TMEM14A: variants seen among roughly 807,000 people sequenced by gnomAD.
The protein encoded by TMEM14A is transmembrane protein 14A.
Under a neutral mutation model 11.6 loss-of-function variants are expected in TMEM14A, and 8 were observed. That is an observed-to-expected ratio of 0.69 (90% confidence interval 0.40 to 1.24). The LOEUF (loss-of-function observed/expected upper bound fraction) is 1.24, where lower values mean the gene tolerates loss of function less well. TMEM14A is among the 50% of genes most tolerant of loss of function. The probability of loss-of-function intolerance (pLI) is 0.01; values close to 1 mark genes in which losing one functional copy is unlikely to be tolerated. For missense variants in TMEM14A, 108 were observed against 121.9 expected, an observed-to-expected ratio of 0.89 and a Z score of 0.54; for synonymous variants, 34 against 45.5, an observed-to-expected ratio of 0.75 and a Z score of 1.02.
In TMEM14A at chr6:52,686,020, A is replaced by T. The variant is rs369397369; in HGVS notation, c.271A>T (p.Ile91Phe). ...GLVAGLSLMM[I>F]LRLVLLLL ...TTATTTTAAATCCAGCCTCATGATG[A>T]TCCTGAGACTTGTCTTGTTGCTGCT... The change falls in exon 5 of 5, where the codon ATC (isoleucine) becomes TTC (phenylalanine). Residue 91 changes from isoleucine (I) to phenylalanine (F), a missense_variant. Coordinates refer to ENST00000211314, the MANE Select transcript of TMEM14A (RefSeq NM_014051.4). 19 of 1,611,074 alleles carry T rather than the reference A, an allele frequency of 1.2e-5. No individual in the cohort carries two copies. The highest frequency in any genetic ancestry group is 1.3e-5 in the Non-Finnish European group (15 of 1,178,868).
At chr6:52,678,335 G>A (rs1030224652) in intron 2 of TMEM14A, among the ~76,000 whole-genome samples, 3 of 85,902 alleles carry the variant, frequency 3.5e-5, no homozygotes, top group African/African-American at 1.1e-4. Flanking sequence ...GTGTTTGTGT[G>A]TGTGTGTGTG....
At chr6:52,685,179 A>G (rs554108418) in intron 4 of TMEM14A, among the ~76,000 whole-genome samples, 7 of 152,290 alleles carry the variant, frequency 4.6e-5, no homozygotes, top group African/African-American at 1.7e-4. Flanking sequence ...TTTGTGTAGA[A>G]TTTTCTAGTG....
chr6:52,679,439 C>A (rs1469560111), intron 2 of TMEM14A, among the ~76,000 whole-genome samples: 1 of 152,188 alleles, frequency 6.6e-6, no homozygotes, highest in African/African-American at 2.4e-5. Context: ...ACACAGCAAT[C>A]CCTTCAGAGA....
intron 2 of TMEM14A, 81 bp downstream of exon 2, chr6:52,677,253 A>G (rs1769275173): frequency 2.5e-5 from 37 of 1,464,330 alleles, no homozygotes; most frequent in Non-Finnish European, 3.4e-5. Flanking sequence ...CTCTGTAAGT[A>G]GGATGAGAAG....
At chr6:52,681,986 A>T in intron 3 of TMEM14A, 72 bp downstream of exon 3, 1 of 1,294,088 alleles carries the variant, frequency 7.7e-7, no homozygotes, top group Non-Finnish European at 1.1e-6. Context: ...CCTATGCTAG[A>T]TATACTAGAA....
chr6:52,680,704 T>TACAC (rs1554137484), intron 2 of TMEM14A, among the ~76,000 whole-genome samples: 765 of 51,006 alleles, frequency 0.015, 94 homozygotes, highest in African/African-American at 0.02. Flanking sequence ...TATATATATA[T>TACAC]ACACATATAT....
chr6:52,682,044 A>G (rs1010620003), intron 3 of TMEM14A, 130 bp downstream of exon 3: 1 of 638,130 alleles, frequency 1.6e-6, no homozygotes, highest in Admixed American at 3.3e-5. Flanking sequence ...TTGAGGCTGA[A>G]TACAACACTT....
At chr6:52,676,196 G>A (rs1018038416) in intron 1 of TMEM14A, among the ~76,000 whole-genome samples, 4 of 152,312 alleles carry the variant, frequency 2.6e-5, no homozygotes, top group Admixed American at 2.0e-4. Flanking sequence ...CCCCCAGAGT[G>A]TGCTTAACAG....
chr6:52,675,400 A>G (rs1769238301), intron 1 of TMEM14A, among the ~76,000 whole-genome samples: 1 of 152,264 alleles, frequency 6.6e-6, no homozygotes, highest in South Asian at 2.1e-4. Flanking sequence ...GAACTTAAAA[A>G]GCTGTAAAGA....
At chr6:52,677,732 C>CAT (rs1027304807) in intron 2 of TMEM14A, among the ~76,000 whole-genome samples, 1 of 152,108 alleles carries the variant, frequency 6.6e-6, no homozygotes, top group Non-Finnish European at 1.5e-5. Context: ...AGTTATGTTT[C>CAT]ATATATATAC....
At chr6:52,681,253 C>T (rs1215533011) in intron 2 of TMEM14A, among the ~76,000 whole-genome samples, 1 of 151,846 alleles carries the variant, frequency 6.6e-6, no homozygotes, top group Non-Finnish European at 1.5e-5. Context: ...TAGCTGGGGT[C>T]AGTATTCTGA....
At position 52,681,924 on chromosome 6, in the gene TMEM14A, G is replaced by A. The variant is rs2127265168; in HGVS notation, c.172+10G>A. ...GTAAAAGTGTCACTGTGTAAGTAAG[G>A]CATTTTTCCTGGTTACAGAGACTCA... On this transcript the variant is annotated intron_variant, in intron 3 of 4. Transcript: ENST00000211314. 1 of 1,610,120 alleles carries A rather than the reference G, an allele frequency of 6.2e-7. No homozygotes were observed. Among genetic ancestry groups the A allele is most frequent in the Non-Finnish European group, 8.5e-7 (1 of 1,176,746 alleles).
intron 4 of TMEM14A, among the ~76,000 whole-genome samples, chr6:52,685,017 T>G (rs1220180353): frequency 6.6e-6 from 1 of 152,162 alleles, no homozygotes; most frequent in African/African-American, 2.4e-5. Context: ...CTTAGTGACA[T>G]AATAAGGTAT....
chr6:52,680,655 G>A (rs79176587), intron 2 of TMEM14A, among the ~76,000 whole-genome samples: 7 of 8,836 alleles, frequency 7.9e-4, no homozygotes, highest in Admixed American at 1.8e-3. Context: ...ATATATGTGT[G>A]TGTATATATA....
rs1769396884 is a variant in TMEM14A, at chr6:52,681,843, T to C, written c.101T>C (p.Phe34Ser). Reference protein sequence around the residue: ...GGVPSLIAGLFVGCLAGYGAY... With the variant: ...GGVPSLIAGLSVGCLAGYGAY... ...GTTCCGTCTTTGATTGCTGGTCTTT[T>C]TGTTGGATGTTTGGCCGGCTATGGA... is the stretch of plus-strand genomic sequence containing the variant. Residue 34 changes from phenylalanine to serine, a missense_variant, in exon 3 of 5, where the codon TTT (phenylalanine) becomes TCT (serine). Transcript: ENST00000211314. 6.2e-7 allele frequency: 1 copy of C among 1,614,040 alleles called. No individual in the cohort carries two copies. The highest frequency in any genetic ancestry group is 1.3e-5 in the African/African-American group (1 of 74,930).
At position 52,684,059 on chromosome 6, in the gene TMEM14A, G is replaced by T. The variant is rs371481322; in HGVS notation, c.173-19G>T. 6.6e-5 allele frequency: 107 copies of T among 1,609,060 alleles called. No homozygotes were observed. Among genetic ancestry groups the T allele is most frequent in the Admixed American group, 1.7e-4 (10 of 59,176 alleles). The stretch of plus-strand genomic sequence containing the variant: ...TAACATGTTTGAAACTCTGGTTCAT[G>T]AATTAGTTTGGTTTTCAGTTACAGC... On this transcript the variant is annotated intron_variant, in intron 3 of 4. Coordinates refer to ENST00000211314, the MANE Select transcript of TMEM14A (RefSeq NM_014051.4).
chr6:52,676,814 AG>A (rs935153247), intron 1 of TMEM14A, among the ~76,000 whole-genome samples: 1 of 152,128 alleles, frequency 6.6e-6, no homozygotes, highest in African/African-American at 2.4e-5. Flanking sequence ...GAGCACGTGA[AG>A]GGGGAAGTGC....
rs1769271369 is a variant in TMEM14A at position 52,677,100 on chromosome 6, C to T, written c.-3C>T. 1 of 1,614,142 alleles carries T rather than the reference C, an allele frequency of 6.2e-7. No individual in the cohort carries two copies. The highest frequency in any genetic ancestry group is 1.3e-5 in the African/African-American group (1 of 75,034). On this transcript the variant is annotated 5_prime_UTR_variant, in exon 2 of 5. Coordinates refer to ENST00000211314, the MANE Select transcript of TMEM14A (RefSeq NM_014051.4). ...CCCTTGCTTTAGAATTGCAACCTTG[C>T]CAATGGACCTGATCGGTTTTGGTTA... is the stretch of plus-strand genomic sequence containing the variant.
At chr6:52,678,883 G>A (rs1581743754) in intron 2 of TMEM14A, among the ~76,000 whole-genome samples, 1 of 152,126 alleles carries the variant, frequency 6.6e-6, no homozygotes, top group African/African-American at 2.4e-5. Context: ...CTCTAGTTTT[G>A]TATTATGTTC....
Sources: allele counts gnomAD v4.1 joint callset (sites outside exome capture counted in the v4.1 genomes callset), GRCh38; gene constraint gnomAD v4.1.1; transcripts MANE v1.5; gene names NCBI Gene and HGNC (gene_info 2026-07-23, HGNC 2026-07-21).